The following MTHFD2L variants were observed in gnomAD, a reference collection of about 807,000 sequenced individuals.
The protein encoded by MTHFD2L is bifunctional methylenetetrahydrofolate dehydrogenase/cyclohydrolase 2, mitochondrial.
Under a neutral mutation model 34.9 loss-of-function variants are expected in MTHFD2L, and 29 were observed. That is an observed-to-expected ratio of 0.83 (90% confidence interval 0.62 to 1.13). The LOEUF is 1.13. MTHFD2L is among the 50% of genes most tolerant of loss of function. MTHFD2L has a pLI of 0.00. For synonymous variants in MTHFD2L, 167 were observed against 155.7 expected (o/e 1.07, Z -0.54); for missense variants, 481 against 446.5 (o/e 1.08, Z -0.70).
intron 5 of MTHFD2L, among the ~76,000 whole-genome samples, chr4:74,211,163 A>C (rs1206389412): frequency 6.6e-6 from 1 of 152,122 alleles, no homozygotes; most frequent in Non-Finnish European, 1.5e-5. Flanking sequence ...CCCTATTTGA[A>C]TACCCTTTAT....
intron 6 of MTHFD2L, among the ~76,000 whole-genome samples, chr4:74,241,139 GAGAT>G (rs1047832458): frequency 2.6e-5 from 4 of 152,156 alleles, no homozygotes; most frequent in Non-Finnish European, 5.9e-5. Context: ...ATGAGGGAAA[GAGAT>G]AGAAAAGAAA....
chr4:74,236,374 G>T (rs564064834), intron 6 of MTHFD2L, among the ~76,000 whole-genome samples: 6 of 152,190 alleles, frequency 3.9e-5, no homozygotes, highest in South Asian at 2.1e-4. Flanking sequence ...CCTAAATTTT[G>T]CTTGAAACAT....
At chr4:74,149,654 T>A (rs539483507) in intron 1 of MTHFD2L, among the ~76,000 whole-genome samples, 37 of 152,286 alleles carry the variant, frequency 2.4e-4, no homozygotes, top group Non-Finnish European at 4.1e-4. Context: ...TGATAAAAAA[T>A]TTGGGATATG....
At chr4:74,256,293 T>C (rs1744018893) in intron 6 of MTHFD2L, among the ~76,000 whole-genome samples, 1 of 152,096 alleles carries the variant, frequency 6.6e-6, no homozygotes, top group Non-Finnish European at 1.5e-5. Context: ...ATATTTTTAA[T>C]AGAGATGGGG....
intron 1 of MTHFD2L, among the ~76,000 whole-genome samples, chr4:74,127,172 G>A (rs890451176): frequency 6.6e-6 from 1 of 152,144 alleles, no homozygotes. Flanking sequence ...TTTGGGGGCA[G>A]TTTTTTATAG....
chr4:74,182,902 A>T (rs1730464745), intron 3 of MTHFD2L: 1 of 152,214 alleles, frequency 6.6e-6, no homozygotes, highest in East Asian at 1.9e-4. Context: ...AAAGTAGGGC[A>T]GTAGAATTCT....
At chr4:74,246,152 T>A (rs1193424578) in intron 6 of MTHFD2L, among the ~76,000 whole-genome samples, 1 of 145,358 alleles carries the variant, frequency 6.9e-6, no homozygotes, top group Non-Finnish European at 1.5e-5. Context: ...GTTTCCTGAC[T>A]TTTTAATGAT....
chr4:74,186,438 G>GAAAAAAAAAAAAAAAAAAAAA (rs59325238), intron 3 of MTHFD2L, among the ~76,000 whole-genome samples: 1 of 88,192 alleles, frequency 1.1e-5, no homozygotes, highest in African/African-American at 4.4e-5. Flanking sequence ...GGGAATCCAT[G>GAAAAAAAAAAAAAAAAAAAAA]AAAAAAAAAA....
At position 74,270,177 on chromosome 4, in the gene MTHFD2L, A is replaced by G. The variant is rs142976351; in HGVS notation, c.806-11248A>G. On this transcript the variant is annotated intron_variant, in intron 6 of 7. Coordinates refer to ENST00000325278, the MANE Select transcript of MTHFD2L (RefSeq NM_001144978.3). ...ATTTTATTTTTTTCTTTTTATTATTATTATTATTATACTTTAACTTCTAGA... is the reference window on the plus strand; with the variant it reads ...ATTTTATTTTTTTCTTTTTATTATTGTTATTATTATACTTTAACTTCTAGA... Among the ~76,000 whole-genome samples, 566 of 151,490 alleles carry G rather than the reference A, an allele frequency of 3.7e-3. 13 individuals are homozygous for G. The highest frequency in any genetic ancestry group is 0.027 in the Admixed American group (409 of 15,192).
At chr4:74,296,857 CTT>C (rs1749697988) in intron 7 of MTHFD2L, among the ~76,000 whole-genome samples, 1 of 151,990 alleles carries the variant, frequency 6.6e-6, no homozygotes, top group Non-Finnish European at 1.5e-5. Flanking sequence ...GAACAGTTAA[CTT>C]AGCCTGGGGA....
At chr4:74,276,567 A>G (rs1746677315) in intron 6 of MTHFD2L, among the ~76,000 whole-genome samples, 1 of 152,142 alleles carries the variant, frequency 6.6e-6, no homozygotes, top group Non-Finnish European at 1.5e-5. Flanking sequence ...CTAATGGTAT[A>G]TGTCTTTTAT....
chr4:74,173,879 A>G (rs1175168666), intron 1 of MTHFD2L, among the ~76,000 whole-genome samples: 1 of 152,202 alleles, frequency 6.6e-6, no homozygotes, highest in Non-Finnish European at 1.5e-5. Context: ...TATATGTTTT[A>G]TATATGTATG....
rs1441304036 is a variant in MTHFD2L, at chr4:74,301,823, A to T, written c.*14A>T. 14 of 1,529,450 alleles carry T rather than the reference A, an allele frequency of 9.2e-6. No individual in the cohort carries two copies. Among genetic ancestry groups the T allele is most frequent in the Non-Finnish European group, 1.2e-5 (13 of 1,114,642 alleles). The allele number at this position is 1,529,450 out of a possible 1,614,324, so 94.7% of individuals were successfully genotyped here. A position where few individuals can be genotyped will look rare whatever the true frequency, so the allele number is the denominator to read the frequency against. ...ATCATTTACTAGATCACATGAAAGG[A>T]TAAAGCAAACTGAAGTCATGCTATT... is the stretch of plus-strand genomic sequence containing the variant. On this transcript the variant is annotated 3_prime_UTR_variant, in exon 8 of 8. Coordinates refer to ENST00000325278, the MANE Select transcript of MTHFD2L (RefSeq NM_001144978.3).
chr4:74,212,585 A>G (rs1448971147), intron 5 of MTHFD2L, among the ~76,000 whole-genome samples: 3 of 151,956 alleles, frequency 2.0e-5, no homozygotes, highest in Admixed American at 1.3e-4. Context: ...CCATTCTTTT[A>G]TATTTGCTGA....
At chr4:74,161,432 C>CAGGAAG (rs1725439692) in intron 1 of MTHFD2L, 1 of 152,178 alleles carries the variant, frequency 6.6e-6, no homozygotes, top group Admixed American at 6.5e-5. Context: ...TTCCTACCTT[C>CAGGAAG]CTGCTGTATG....
intron 6 of MTHFD2L, among the ~76,000 whole-genome samples, chr4:74,237,028 AAT>A (rs1740949546): frequency 6.6e-6 from 1 of 151,996 alleles, no homozygotes; most frequent in Admixed American, 6.6e-5. Flanking sequence ...GTAAAATTTA[AAT>A]ATGTTGTGGT....
At chr4:74,144,183 T>C (rs1723447089) in intron 1 of MTHFD2L, among the ~76,000 whole-genome samples, 2 of 152,210 alleles carry the variant, frequency 1.3e-5, no homozygotes, top group South Asian at 4.1e-4. Context: ...CTGGGTGCAG[T>C]GGCTCACACC....
intron 3 of MTHFD2L, among the ~76,000 whole-genome samples, chr4:74,186,740 TAAAATACCAA>T (rs2110005084): frequency 2.6e-5 from 4 of 152,228 alleles, no homozygotes; most frequent in African/African-American, 9.6e-5. Flanking sequence ...TAAATACTGT[TAAAATACCAA>T]TTTTCCTCCA....
chr4:74,256,077 A>G (rs896993255), intron 6 of MTHFD2L, among the ~76,000 whole-genome samples: 1 of 152,190 alleles, frequency 6.6e-6, no homozygotes, highest in Non-Finnish European at 1.5e-5. Context: ...GAAATCTCCA[A>G]GCTGCTTTCC....
Sources: gnomAD v4.1 joint callset for allele counts (sites outside exome capture counted in the v4.1 genomes callset) on GRCh38, gnomAD v4.1.1 for gene constraint, MANE v1.5 for transcripts, NCBI Gene and HGNC (gene_info 2026-07-23, HGNC 2026-07-21) for gene names.